The following ZNF385D variants were observed in gnomAD, a reference collection of about 807,000 sequenced individuals.
ZNF385D encodes zinc finger protein 385D.
A neutral mutation model predicts 35.8 loss-of-function variants in ZNF385D; 15 were observed. That is an observed-to-expected ratio of 0.42 (90% CI 0.28 to 0.64). ZNF385D has a LOEUF of 0.64. Ranked by LOEUF, ZNF385D falls within the 30% of genes least tolerant of loss-of-function variation. ZNF385D has a pLI of 0.23. For missense variants in ZNF385D, 474 were observed against 494.6 expected (o/e 0.96, Z 0.39); for synonymous variants, 212 against 186.8 (o/e 1.13, Z -1.10).
chr3:22,008,558 G>C (rs182565451), intron 3 of ZNF385D, among the ~76,000 whole-genome samples: 1 of 151,918 alleles, frequency 6.6e-6, no homozygotes, highest in African/African-American at 2.4e-5. Context: ...GGGTTTCACC[G>C]TGTTAGCCAG....
intron 3 of ZNF385D, among the ~76,000 whole-genome samples, chr3:22,003,640 G>A (rs554519321): frequency 2.0e-5 from 3 of 152,266 alleles, no homozygotes; most frequent in East Asian, 3.9e-4. Context: ...GCCAAGGTGA[G>A]TGGATCACTT....
chr3:22,020,739 T>C (rs371713144), intron 3 of ZNF385D, among the ~76,000 whole-genome samples: 5 of 152,074 alleles, frequency 3.3e-5, no homozygotes, highest in African/African-American at 7.2e-5. Context: ...GAACTTAATA[T>C]AGAACTACCA....
chr3:21,556,624 A>G (rs1352576282), intron 3 of ZNF385D, among the ~76,000 whole-genome samples: 4 of 152,140 alleles, frequency 2.6e-5, no homozygotes, highest in Non-Finnish European at 4.4e-5. Flanking sequence ...TGGTTACTGT[A>G]TCCTTGTAGT....
At chr3:22,281,799 T>G (rs371217453) in intron 2 of ZNF385D, among the ~76,000 whole-genome samples, 6 of 152,262 alleles carry the variant, frequency 3.9e-5, no homozygotes, top group African/African-American at 1.4e-4. Context: ...TCTTGTGGAA[T>G]AGTGTCAATA....
intron 3 of ZNF385D, among the ~76,000 whole-genome samples, chr3:22,011,127 GATTT>G (rs771721959): frequency 6.6e-6 from 1 of 151,962 alleles, no homozygotes; most frequent in Non-Finnish European, 1.5e-5. Flanking sequence ...CTTAGAGTTT[GATTT>G]ATTTTTGTAT....
At chr3:21,602,811 G>A (rs928384453) in intron 2 of ZNF385D, among the ~76,000 whole-genome samples, 1 of 151,884 alleles carries the variant, frequency 6.6e-6, no homozygotes, top group Non-Finnish European at 1.5e-5. Flanking sequence ...GGGATTACAG[G>A]CGTGAGCCAC....
At chr3:21,582,814 AT>A (rs1559430203) in intron 2 of ZNF385D, among the ~76,000 whole-genome samples, 1 of 151,538 alleles carries the variant, frequency 6.6e-6, no homozygotes, top group African/African-American at 2.4e-5. Context: ...GTCTCGCTCT[AT>A]GGCCCAGGCT....
At chr3:22,169,074 A>G in intron 2 of ZNF385D, 1 of 910,024 alleles carries the variant, frequency 1.1e-6, no homozygotes, top group Non-Finnish European at 1.3e-6. Context: ...GCAGATCAAG[A>G]TTTTTAGATT....
rs2065768867 is a variant in ZNF385D, at chr3:21,646,935, C to T, written c.165+17951G>A. Among the ~76,000 whole-genome samples, 1 of 152,190 alleles carries T rather than the reference C, an allele frequency of 6.6e-6. No homozygotes were observed. Among genetic ancestry groups the T allele is most frequent in the African/African-American group, 2.4e-5 (1 of 41,452 alleles). ...AATTGAGGACCAGTCCAAAGTTATT[C>T]TCTACTCCATCATTTATTCTAAGCT... On this transcript the variant is annotated intron_variant, in intron 2 of 7. Coordinates refer to ENST00000281523, the MANE Select transcript of ZNF385D (RefSeq NM_024697.3). The surrounding 1 kb of genome is among the most constrained non-coding windows in gnomAD (Gnocchi z 4.3).
At chr3:21,750,073 G>T (rs1374246384) in intron 1 of ZNF385D, among the ~76,000 whole-genome samples, 1 of 152,210 alleles carries the variant, frequency 6.6e-6, no homozygotes, top group Non-Finnish European at 1.5e-5. Flanking sequence ...CTTCAGAGAG[G>T]AGGAACAAAT....
intron 3 of ZNF385D, among the ~76,000 whole-genome samples, chr3:21,963,975 T>G (rs954627318): frequency 6.6e-6 from 1 of 152,184 alleles, no homozygotes; most frequent in Non-Finnish European, 1.5e-5. Context: ...CAAAATGTCA[T>G]GAAGACATTA....
intron 1 of ZNF385D, among the ~76,000 whole-genome samples, chr3:21,682,504 G>T (rs1204987410): frequency 6.7e-6 from 1 of 150,236 alleles, no homozygotes; most frequent in Non-Finnish European, 1.5e-5. Context: ...GCCATCAGAG[G>T]ACTGAAAGGA....
At chr3:21,883,796 A>T (rs1057006521) in intron 3 of ZNF385D, among the ~76,000 whole-genome samples, 1 of 152,064 alleles carries the variant, frequency 6.6e-6, no homozygotes, top group Non-Finnish European at 1.5e-5. Flanking sequence ...TTATTTAGGC[A>T]ATGCACATTA....
intron 3 of ZNF385D, among the ~76,000 whole-genome samples, chr3:21,956,254 A>C (rs1035236344): frequency 6.6e-6 from 1 of 151,934 alleles, no homozygotes; most frequent in African/African-American, 2.4e-5. Flanking sequence ...AAAAAGAAAA[A>C]GAACCTGAGT....
Position 22,059,292 on chromosome 3 carries a change from G to T in ZNF385D, c.325+109525C>A, listed in dbSNP as rs527892715. ...AAAGAAGAAGAAGACAGGGCCACAG[G>T]GACTGTGTGTGCATGAAAGGGAGAA... is the stretch of plus-strand genomic sequence containing the variant. On this transcript the variant is annotated intron_variant, in intron 3 of 5. Coordinates refer to the ZNF385D transcript ENST00000494108. Among the ~76,000 whole-genome samples the T allele has an allele frequency of 3.3e-5, 5 of 152,248 alleles. No individual in the cohort carries two copies. In the South Asian group the frequency reaches 1.0e-3, roughly 32 times the overall value.
chr3:21,808,913 T>C (rs1229234834), intron 3 of ZNF385D, among the ~76,000 whole-genome samples: 4 of 152,058 alleles, frequency 2.6e-5, no homozygotes, highest in Non-Finnish European at 5.9e-5. Context: ...ACAAAGACTT[T>C]GAAAACTAAA....
intron 3 of ZNF385D, among the ~76,000 whole-genome samples, chr3:22,024,109 G>C (rs1697389932): frequency 6.6e-6 from 1 of 151,986 alleles, no homozygotes; most frequent in Admixed American, 6.6e-5. Context: ...AAAGCAGGCA[G>C]AAAAAAACAT....
chr3:21,803,921 T>G (rs1669160738), intron 3 of ZNF385D, among the ~76,000 whole-genome samples: 1 of 152,224 alleles, frequency 6.6e-6, no homozygotes, highest in Non-Finnish European at 1.5e-5. Flanking sequence ...CGCTGTCACT[T>G]GCAAATAAGA....
intron 3 of ZNF385D, among the ~76,000 whole-genome samples, chr3:21,997,264 C>G (rs969962597): frequency 6.6e-6 from 1 of 151,974 alleles, no homozygotes; most frequent in Non-Finnish European, 1.5e-5. Flanking sequence ...AACCAAATAC[C>G]ACATGTTCTC....
Sources: allele counts gnomAD v4.1 joint callset (sites outside exome capture counted in the v4.1 genomes callset), GRCh38; gene constraint gnomAD v4.1.1; non-coding constraint Gnocchi (gnomAD v3.1); transcripts MANE v1.5; gene names NCBI Gene and HGNC (gene_info 2026-07-23, HGNC 2026-07-21).